Variants in TIA1 observed in about 807,000 individuals in gnomAD.
TIA1 encodes the protein TIA1 cytotoxic granule associated RNA binding protein.
In TIA1, 23 loss-of-function variants were observed where a neutral mutation model predicts 65.9. The observed-to-expected ratio is 0.35, with a 90% confidence interval of 0.25 to 0.49. The LOEUF (loss-of-function observed/expected upper bound fraction) is 0.49. Among genes scored for constraint, TIA1 ranks in the 20% least tolerant of loss-of-function variants. TIA1 has a pLI of 0.98. For missense variants in TIA1, 371 were observed against 477.9 expected (o/e 0.78, Z 2.09); for synonymous variants, 147 against 149.4 (o/e 0.98, Z 0.12).
At chr2:70,246,070 T>C (rs993220448) in intron 1 of TIA1, among the ~76,000 whole-genome samples, 2 of 152,098 alleles carry the variant, frequency 1.3e-5, no homozygotes, top group African/African-American at 4.8e-5. Flanking sequence ...ATTACAGGCA[T>C]GCGCCACCAT....
chr2:70,234,545 C>T (rs1467515596), intron 2 of TIA1, among the ~76,000 whole-genome samples: 1 of 152,126 alleles, frequency 6.6e-6, no homozygotes, highest in Non-Finnish European at 1.5e-5. Context: ...AGATCTAAGA[C>T]AACAAATCAA....
chr2:70,234,564 G>A (rs1416013011), intron 2 of TIA1, among the ~76,000 whole-genome samples: 1 of 152,084 alleles, frequency 6.6e-6, no homozygotes, highest in Non-Finnish European at 1.5e-5. Context: ...AAAGCCAATT[G>A]GATAAATATA....
At chr2:70,233,324 C>T (rs1254150584) in intron 2 of TIA1, among the ~76,000 whole-genome samples, 2 of 151,850 alleles carry the variant, frequency 1.3e-5, no homozygotes, top group African/African-American at 2.4e-5. Context: ...TTTAAAGCAA[C>T]GAGGCCAAGA....
chr2:70,217,858 G>A (rs766329343), intron 7 of TIA1, among the ~76,000 whole-genome samples: 6 of 152,152 alleles, frequency 3.9e-5, no homozygotes, highest in Non-Finnish European at 8.8e-5. Flanking sequence ...TGAAAAGGTC[G>A]TGAGCCCGAC....
At chr2:70,216,706 CATT>C in intron 8 of TIA1, 177 bp downstream of exon 8, 1 of 1,481,794 alleles carries the variant, frequency 6.7e-7, no homozygotes, top group Non-Finnish European at 9.0e-7. Flanking sequence ...GGAGACTTGA[CATT>C]AGAAATAATA....
chr2:70,230,706 A>G, intron 3 of TIA1, 50 bp downstream of exon 3: 1 of 1,378,180 alleles, frequency 7.3e-7, no homozygotes, highest in Non-Finnish European at 1.0e-6. Flanking sequence ...AATCATATAT[A>G]ACTTAAATTT....
In TIA1 at chr2:70,236,171, C is replaced by T. The variant is rs199622537; in HGVS notation, c.31G>A (p.Val11Ile). The T allele has an allele frequency of 9.4e-6, 15 of 1,598,708 alleles. No individual in the cohort carries two copies. Among genetic ancestry groups the T allele is most frequent in the South Asian group, 2.2e-5 (2 of 89,842 alleles). MEDEMPKTLYVGNLSRDVTEA... is the reference protein window; with the variant it reads MEDEMPKTLYIGNLSRDVTEA... ...GTCACATCTCTGGAAAGGTTACCGACGTATCTGAAACACAAAGAGAAACAA... is the reference window on the plus strand; with the variant it reads ...GTCACATCTCTGGAAAGGTTACCGATGTATCTGAAACACAAAGAGAAACAA... The change falls in exon 2 of 13, where the codon GTC becomes ATC. Residue 11 changes from valine (V) to isoleucine (I), a missense_variant. Transcript: ENST00000433529.
intron 1 of TIA1, among the ~76,000 whole-genome samples, chr2:70,247,808 G>C (rs1558998189): frequency 6.6e-6 from 1 of 152,056 alleles, no homozygotes; most frequent in African/African-American, 2.4e-5. Flanking sequence ...AGGCTTTTTG[G>C]TCGGTGGGTG....
In TIA1 at chr2:70,209,616, G is replaced by A. The variant is rs1463690626; in HGVS notation, c.*3103C>T. 1 of 398,354 alleles carries A rather than the reference G, an allele frequency of 2.5e-6. No individual in the cohort carries two copies. The highest frequency in any genetic ancestry group is 1.3e-4 in the South Asian group (1 of 7,848). 24.7% of individuals were successfully genotyped at this position (398,354 alleles called of 1,614,324 possible). A position where few individuals can be genotyped will look rare whatever the true frequency, so the allele number is the denominator to read the frequency against. On this transcript the variant is annotated 3_prime_UTR_variant, in exon 13 of 13. Transcript: ENST00000433529. ...CTATCATTTTTGTGATTTAACAACA[G>A]AGAAAATCCAGGAAGAATGAATTGA...
At chr2:70,225,266 T>A in intron 6 of TIA1, 1 of 1,185,182 alleles carries the variant, frequency 8.4e-7, no homozygotes, top group Non-Finnish European at 1.1e-6. Context: ...ATAAAATTGA[T>A]TGGAACTACA....
intron 1 of TIA1, among the ~76,000 whole-genome samples, chr2:70,236,595 A>T (rs576849334): frequency 6.6e-6 from 1 of 151,576 alleles, no homozygotes; most frequent in Non-Finnish European, 1.5e-5. Flanking sequence ...TGAGTAACGG[A>T]CTAGAGGAAC....
At chr2:70,221,447 G>C (rs1002586009) in intron 7 of TIA1, among the ~76,000 whole-genome samples, 3 of 151,932 alleles carry the variant, frequency 2.0e-5, no homozygotes, top group Admixed American at 6.6e-5. Flanking sequence ...TCCAGCCTGA[G>C]TGACAGAGTG....
chr2:70,233,790 T>C (rs2104522474), intron 2 of TIA1, among the ~76,000 whole-genome samples: 1 of 152,046 alleles, frequency 6.6e-6, no homozygotes, highest in African/African-American at 2.4e-5. Context: ...AAAAGTCACT[T>C]GCATTTAAGA....
At chr2:70,245,046 C>T (rs969414448) in intron 1 of TIA1, among the ~76,000 whole-genome samples, 4 of 151,976 alleles carry the variant, frequency 2.6e-5, no homozygotes, top group South Asian at 2.1e-4. Flanking sequence ...AGTGCAGTGG[C>T]GTGATCTCGG....
chr2:70,235,280 T>C (rs1026075632), intron 2 of TIA1, among the ~76,000 whole-genome samples: 11 of 151,958 alleles, frequency 7.2e-5, no homozygotes, highest in South Asian at 2.1e-4. Context: ...CCAGGTGTAG[T>C]GGCGCATGCC....
chr2:70,240,726 G>A (rs1691276013), intron 1 of TIA1, among the ~76,000 whole-genome samples: 1 of 152,126 alleles, frequency 6.6e-6, no homozygotes, highest in Non-Finnish European at 1.5e-5. Flanking sequence ...ACAAAAATCA[G>A]CCAGGTGTGG....
chr2:70,221,472 A>G (rs918929667), intron 7 of TIA1, among the ~76,000 whole-genome samples: 6 of 150,792 alleles, frequency 4.0e-5, no homozygotes, highest in Non-Finnish European at 7.4e-5. Context: ...CCTCTCTCCA[A>G]AAAAAAAAGA....
chr2:70,217,597 C>T (rs1679227689), intron 7 of TIA1, among the ~76,000 whole-genome samples: 1 of 152,094 alleles, frequency 6.6e-6, no homozygotes, highest in African/African-American at 2.4e-5. Context: ...CACGGTTTCG[C>T]CATGTTAGCC....
intron 2 of TIA1, among the ~76,000 whole-genome samples, chr2:70,233,020 G>A (rs1258055578): frequency 6.6e-6 from 1 of 152,050 alleles, no homozygotes; most frequent in African/African-American, 2.4e-5. Flanking sequence ...TGACATTATA[G>A]GCCATTTTAA....
Sources: allele counts gnomAD v4.1 joint callset (sites outside exome capture counted in the v4.1 genomes callset), GRCh38; gene constraint gnomAD v4.1.1; transcripts MANE v1.5; gene names NCBI Gene and HGNC (gene_info 2026-07-23, HGNC 2026-07-21).